Variants in POMT2 observed in about 807,000 individuals in gnomAD.
POMT2 encodes the protein protein O-mannosyl-transferase 2.
A neutral mutation model predicts 100.0 loss-of-function variants in POMT2; 75 were observed. That is an observed-to-expected ratio of 0.75 (90% CI 0.62 to 0.91). The LOEUF (loss-of-function observed/expected upper bound fraction) is 0.91, where lower values mean the gene tolerates loss of function less well. Among genes scored for constraint, POMT2 ranks in the 40% least tolerant of loss-of-function variants. The pLI is 0.00. For missense variants in POMT2, 940 were observed against 955.1 expected, an observed-to-expected ratio of 0.98 and a Z score of 0.21; for synonymous variants, 378 against 374.1, an observed-to-expected ratio of 1.01 and a Z score of -0.12.
In POMT2 at chr14:77,315,591, A is replaced by C. The variant is rs150651278; in HGVS notation, c.249-3558T>G. 6.3e-3 allele frequency among the ~76,000 whole-genome samples: 958 copies of C among 152,334 alleles called. 11 individuals are homozygous for C. Among genetic ancestry groups the C allele is most frequent in the African/African-American group, 0.022 (901 of 41,576 alleles). On this transcript the variant is annotated intron_variant, in intron 1 of 20. Coordinates refer to ENST00000261534, the MANE Select transcript of POMT2 (RefSeq NM_013382.7). ...ATGTATAGCTGATACTGATCCCATA[A>C]GTGTCGAAGAGGATTATCCTGGGCA... is the stretch of plus-strand genomic sequence containing the variant.
At chr14:77,302,813 TC>T in intron 5 of POMT2, 21 bp downstream of exon 5, 1 of 1,584,316 alleles carries the variant, frequency 6.3e-7, no homozygotes, top group Non-Finnish European at 8.7e-7. Context: ...AACCCTCCCC[TC>T]CCGGGGATGG....
At chr14:77,294,637 A>AT (rs1890758340) in intron 9 of POMT2, among the ~76,000 whole-genome samples, 1 of 152,240 alleles carries the variant, frequency 6.6e-6, no homozygotes, top group African/African-American at 2.4e-5. Flanking sequence ...TTAAAATGGG[A>AT]TTTTCTCTGC....
intron 15 of POMT2, among the ~76,000 whole-genome samples, chr14:77,282,387 C>T (rs1257671735): frequency 6.6e-6 from 1 of 152,208 alleles, no homozygotes; most frequent in African/African-American, 2.4e-5. Context: ...GGCCACTACT[C>T]AGCCAGCGGA....
chr14:77,303,008 C>T (rs1566657282), intron 4 of POMT2, 65 bp from the exon 5 acceptor site: 1 of 1,220,968 alleles, frequency 8.2e-7, no homozygotes. Context: ...AAACCAAGCA[C>T]CCCAGTAGTA....
At chr14:77,304,386 C>T (rs1417399351) in intron 4 of POMT2, among the ~76,000 whole-genome samples, 4 of 152,230 alleles carry the variant, frequency 2.6e-5, no homozygotes, top group African/African-American at 9.6e-5. Context: ...CAAAAACACA[C>T]ATACTCACAT....
intron 6 of POMT2, chr14:77,300,819 CAA>C (rs748794664): frequency 8.7e-3 from 2,902 of 332,712 alleles, no homozygotes; most frequent in South Asian, 0.017. Context: ...AACTCTATCT[CAA>C]AAAAAAAAAA....
chr14:77,318,423 C>T (rs555462448), intron 1 of POMT2, among the ~76,000 whole-genome samples: 4 of 152,354 alleles, frequency 2.6e-5, no homozygotes, highest in South Asian at 4.1e-4. Flanking sequence ...AACTCCCAAA[C>T]GCAGACCTCC....
intron 1 of POMT2, among the ~76,000 whole-genome samples, chr14:77,318,559 C>T (rs530271369): frequency 7.4e-4 from 113 of 152,186 alleles, no homozygotes; most frequent in Non-Finnish European, 1.5e-3. Flanking sequence ...ATTGAGGCTG[C>T]AACTGTTCAG....
chr14:77,308,608 G>A (rs1054393195), intron 2 of POMT2: 10 of 293,034 alleles, frequency 3.4e-5, no homozygotes, highest in Non-Finnish European at 4.0e-5. Context: ...CGCCCGCCTC[G>A]GCTTCCCAAT....
chr14:77,280,572 C>G, intron 15 of POMT2, 109 bp from the exon 16 acceptor site: 1 of 1,571,796 alleles, frequency 6.4e-7, no homozygotes, highest in African/African-American at 1.3e-5. Context: ...GCAGAACCTT[C>G]TCTCCTTCCC....
intron 9 of POMT2, among the ~76,000 whole-genome samples, chr14:77,292,359 T>C (rs1403616644): frequency 2.0e-5 from 3 of 152,202 alleles, no homozygotes; most frequent in East Asian, 1.9e-4. Flanking sequence ...GTTCTAAGCA[T>C]TGGGCAAGTC....
At chr14:77,318,885 G>A (rs535462171) in intron 1 of POMT2, among the ~76,000 whole-genome samples, 15 of 152,108 alleles carry the variant, frequency 9.9e-5, no homozygotes, top group East Asian at 9.7e-4. Context: ...ACAGGCACCC[G>A]CCATCATGCC....
rs1890002468 is a variant in POMT2 at position 77,277,297 on chromosome 14, G to A, written c.*79C>T. The A allele has an allele frequency of 6.3e-6, 8 of 1,273,022 alleles. No individual in the cohort carries two copies. Among genetic ancestry groups the A allele is most frequent in the Non-Finnish European group, 8.0e-6 (7 of 880,126 alleles). The allele number at this position is 1,273,022 out of a possible 1,614,324, so 78.9% of individuals were successfully genotyped here. A position where few individuals can be genotyped will look rare whatever the true frequency, so the allele number is the denominator to read the frequency against. On this transcript the variant is annotated 3_prime_UTR_variant, in exon 21 of 21. Transcript: ENST00000261534. ...CGGGCTCCTTAGGCAGCTTCCTCAT[G>A]GCCGGATGGTCCAGTACTGCTTCCC...
chr14:77,281,325 T>C (rs1031939693), intron 15 of POMT2, among the ~76,000 whole-genome samples: 7 of 152,126 alleles, frequency 4.6e-5, no homozygotes, highest in African/African-American at 1.7e-4. Flanking sequence ...TCCATGACAT[T>C]TTAATACTTT....
At chr14:77,300,993 C>T (rs1425413827) in intron 6 of POMT2, 97 bp downstream of exon 6, 41 of 1,608,704 alleles carry the variant, frequency 2.5e-5, no homozygotes, top group Non-Finnish European at 3.4e-5. Context: ...AACACAGCCA[C>T]TCTGCCACCT....
At position 77,318,697 on chromosome 14, in the gene POMT2, T is replaced by C. The variant is rs566217995; in HGVS notation, c.248+1737A>G. Among the ~76,000 whole-genome samples the C allele has an allele frequency of 5.9e-4, 89 of 151,796 alleles. No homozygotes were observed. The South Asian group carries it at 0.018, about 30-fold the overall frequency. On this transcript the variant is annotated intron_variant, in intron 1 of 20. Transcript: ENST00000261534. ...AGTAATATGTTAGTGTAAGGAAGAATGGGTCACAAAATATCTTTCCATTAA... is the reference window on the plus strand; with the variant it reads ...AGTAATATGTTAGTGTAAGGAAGAACGGGTCACAAAATATCTTTCCATTAA...
chr14:77,308,342 G>A (rs573914357), intron 2 of POMT2, among the ~76,000 whole-genome samples: 2 of 145,566 alleles, frequency 1.4e-5, no homozygotes, highest in African/African-American at 2.5e-5. Flanking sequence ...CTCTCCAATT[G>A]ACAAAGTTTT....
intron 2 of POMT2, among the ~76,000 whole-genome samples, chr14:77,310,823 C>T (rs1891410066): frequency 2.0e-5 from 3 of 152,154 alleles, no homozygotes; most frequent in Admixed American, 2.0e-4. Flanking sequence ...AGAGCCTTCT[C>T]AGAGGTTTTT....
intron 20 of POMT2, 112 bp from the exon 21 acceptor site, chr14:77,277,593 CG>C: frequency 1.1e-6 from 1 of 881,774 alleles, no homozygotes; most frequent in Non-Finnish European, 1.9e-6. Context: ...TCGCCAAGCC[CG>C]GTTCTCTTTC....
Sources: gnomAD v4.1 joint callset for allele counts (sites outside exome capture counted in the v4.1 genomes callset) on GRCh38, gnomAD v4.1.1 for gene constraint, MANE v1.5 for transcripts, NCBI Gene and HGNC (gene_info 2026-07-23, HGNC 2026-07-21) for gene names.